PTPRT: variants seen among roughly 807,000 people sequenced by gnomAD.
PTPRT encodes protein tyrosine phosphatase receptor type T.
PTPRT carries 56 observed loss-of-function variants against 176.8 expected under a neutral mutation model. The ratio of observed to expected loss-of-function variants is 0.32; its 90% CI spans 0.26 to 0.40. PTPRT has a LOEUF of 0.40. Among genes scored for constraint, PTPRT ranks in the 10% least tolerant of loss-of-function variants. The pLI is 1.00. For missense variants in PTPRT, 1,540 were observed against 1,908.2 expected (o/e 0.81, Z 3.60); for synonymous variants, 783 against 739.0 (o/e 1.06, Z -0.96).
chr20:42,688,982 C>T (rs2075746860), intron 6 of PTPRT, among the ~76,000 whole-genome samples: 1 of 152,174 alleles, frequency 6.6e-6, no homozygotes, highest in South Asian at 2.1e-4. Flanking sequence ...TGGGAAGTGG[C>T]AGGCCCAGAG....
At chr20:42,828,263 C>T (rs1265671542) in intron 2 of PTPRT, among the ~76,000 whole-genome samples, 1 of 152,198 alleles carries the variant, frequency 6.6e-6, no homozygotes, top group Admixed American at 6.5e-5. Context: ...AGACTGGTGG[C>T]ATTTTGCCCC....
chr20:43,181,011 G>A (rs117315644), intron 1 of PTPRT, among the ~76,000 whole-genome samples: 6,483 of 152,174 alleles, frequency 0.043, 191 homozygotes, highest in Non-Finnish European at 0.066. Context: ...ACTCTCTCCG[G>A]CTCTCTCACT....
intron 7 of PTPRT, among the ~76,000 whole-genome samples, chr20:42,555,615 C>T (rs1190357383): frequency 3.3e-5 from 5 of 152,148 alleles, no homozygotes; most frequent in East Asian, 1.9e-4. Flanking sequence ...GACACCGCCA[C>T]GTAACTTATA....
chr20:42,477,084 C>T (rs2071303098), intron 7 of PTPRT, among the ~76,000 whole-genome samples: 1 of 152,232 alleles, frequency 6.6e-6, no homozygotes, highest in Non-Finnish European at 1.5e-5. Context: ...GCTCTGTCCA[C>T]TTCCCCCAGA....
chr20:42,839,784 C>T (rs575461559), intron 2 of PTPRT, among the ~76,000 whole-genome samples: 2 of 152,208 alleles, frequency 1.3e-5, no homozygotes, highest in East Asian at 3.9e-4. Flanking sequence ...ATAAGTGGTA[C>T]TCTAGGTTGT....
At chr20:42,756,312 G>T in intron 6 of PTPRT, 150 bp downstream of exon 6, 3 of 781,506 alleles carry the variant, frequency 3.8e-6, no homozygotes, top group Non-Finnish European at 5.6e-6. Flanking sequence ...CGTTTGGGGA[G>T]TTTGTGTTGG....
At chr20:42,630,825 G>A (rs1347896827) in intron 7 of PTPRT, among the ~76,000 whole-genome samples, 1 of 152,120 alleles carries the variant, frequency 6.6e-6, no homozygotes, top group Non-Finnish European at 1.5e-5. Flanking sequence ...ACTATCAAGA[G>A]CGTTGCTCTT....
chr20:42,821,543 A>T (rs951446289), intron 2 of PTPRT, among the ~76,000 whole-genome samples: 8 of 152,134 alleles, frequency 5.3e-5, no homozygotes, highest in Non-Finnish European at 1.2e-4. Context: ...TCAACACAGT[A>T]TTGGAAGTTC....
chr20:42,894,969 C>T (rs1568666378), intron 1 of PTPRT, among the ~76,000 whole-genome samples: 1 of 152,116 alleles, frequency 6.6e-6, no homozygotes, highest in Non-Finnish European at 1.5e-5. Flanking sequence ...GAAGAGCTCA[C>T]ACATGTGAGC....
At chr20:42,069,227 T>C (rs1297107449), downstream of PTPRT, among the ~76,000 whole-genome samples, 1 of 152,224 alleles carries the variant, frequency 6.6e-6, no homozygotes, top group Non-Finnish European at 1.5e-5. Flanking sequence ...AATTGTTCTA[T>C]GGCATGAGGC....
intron 9 of PTPRT, among the ~76,000 whole-genome samples, chr20:42,432,104 C>A (rs957334114): frequency 3.3e-5 from 5 of 152,178 alleles, no homozygotes; most frequent in Non-Finnish European, 1.5e-5. Context: ...TGTTAAGAGA[C>A]AAAACAGCTA....
intron 1 of PTPRT, among the ~76,000 whole-genome samples, chr20:42,978,499 T>G (rs555725922): frequency 2.5e-4 from 38 of 152,300 alleles, no homozygotes; most frequent in African/African-American, 8.4e-4. Flanking sequence ...CATATCACTT[T>G]ATCACCACCA....
At chr20:42,283,818 G>T (rs1032321431) in intron 12 of PTPRT, among the ~76,000 whole-genome samples, 11 of 152,070 alleles carry the variant, frequency 7.2e-5, no homozygotes, top group Non-Finnish European at 1.5e-4. Context: ...GTATCCAGAA[G>T]TAGAGAAGAC....
At chr20:42,689,233 T>C (rs1348931693) in intron 6 of PTPRT, among the ~76,000 whole-genome samples, 1 of 152,158 alleles carries the variant, frequency 6.6e-6, no homozygotes, top group Non-Finnish European at 1.5e-5. Context: ...TGGCTGAACG[T>C]TGGAACCAGC....
intron 9 of PTPRT, among the ~76,000 whole-genome samples, chr20:42,440,500 CAG>C (rs1487866834): frequency 7.6e-5 from 11 of 145,472 alleles, no homozygotes; most frequent in Non-Finnish European, 1.5e-4. Context: ...TTTTTTTAGA[CAG>C]AGTCTCGCTC....
intron 19 of PTPRT, among the ~76,000 whole-genome samples, chr20:42,127,517 A>G (rs903596729): frequency 2.0e-5 from 3 of 152,190 alleles, no homozygotes; most frequent in African/African-American, 7.2e-5. Flanking sequence ...CTCAATAAGT[A>G]TTTGTTGAGT....
At chr20:42,364,477 A>AT (rs373163176) in intron 9 of PTPRT, among the ~76,000 whole-genome samples, 42 of 151,310 alleles carry the variant, frequency 2.8e-4, no homozygotes, top group Non-Finnish European at 4.4e-4. Flanking sequence ...TGTAAAGCCT[A>AT]TTTTTTTTTG....
chr20:42,592,793 A>C (rs889956683), intron 7 of PTPRT, among the ~76,000 whole-genome samples: 15 of 152,126 alleles, frequency 9.9e-5, no homozygotes, highest in African/African-American at 3.6e-4. Context: ...GACTCCACCT[A>C]ACCATGTTAT....
At chr20:43,097,290 C>A (rs2012210851) in intron 1 of PTPRT, among the ~76,000 whole-genome samples, 1 of 152,138 alleles carries the variant, frequency 6.6e-6, no homozygotes, top group Non-Finnish European at 1.5e-5. Flanking sequence ...GGTCGCCTAA[C>A]CTCCCTAACC....
Sources: allele counts gnomAD v4.1 joint callset (sites outside exome capture counted in the v4.1 genomes callset), GRCh38; gene constraint gnomAD v4.1.1; transcripts MANE v1.5; gene names NCBI Gene and HGNC (gene_info 2026-07-23, HGNC 2026-07-21).